The following CCNH variants were observed in gnomAD, a reference collection of about 807,000 sequenced individuals.
The protein encoded by CCNH is cyclin-H.
A neutral mutation model predicts 41.9 loss-of-function variants in CCNH; 31 were observed. The ratio of observed to expected loss-of-function variants is 0.74; its 90% confidence interval spans 0.56 to 1.00. CCNH has a LOEUF of 1.00. Ranked by LOEUF, CCNH falls within the 50% of genes least tolerant of loss-of-function variation. CCNH has a pLI of 0.00. For missense variants in CCNH, 362 were observed against 388.4 expected (o/e 0.93, Z 0.57); for synonymous variants, 138 against 136.1 (o/e 1.01, Z -0.10).
chr5:87,342,921 C>T (rs898887371), intron 9 of CCNH, among the ~76,000 whole-genome samples: 1 of 152,078 alleles, frequency 6.6e-6, no homozygotes, highest in Non-Finnish European at 1.5e-5. Flanking sequence ...CATCAGTTTT[C>T]TCATAGTATA....
downstream of CCNH, among the ~76,000 whole-genome samples, chr5:87,389,044 T>C (rs574276670): frequency 6.6e-6 from 1 of 152,318 alleles, no homozygotes; most frequent in African/African-American, 2.4e-5. Flanking sequence ...TTACCATCAT[T>C]AATACTGAAT....
At chr5:87,387,408 T>A (rs1762137240), downstream of CCNH, among the ~76,000 whole-genome samples, 1 of 151,188 alleles carries the variant, frequency 6.6e-6, no homozygotes, top group Non-Finnish European at 1.5e-5. Flanking sequence ...TAAAATAAAT[T>A]GTGATTACAA....
chr5:87,394,172 G>T, downstream of CCNH: 1 of 866,408 alleles, frequency 1.2e-6, no homozygotes. Flanking sequence ...GCATAGGTTT[G>T]CCTATCATAT....
chr5:87,344,125 T>C (rs997072555), intron 9 of CCNH, among the ~76,000 whole-genome samples: 24 of 152,200 alleles, frequency 1.6e-4, no homozygotes, highest in African/African-American at 5.8e-4. Context: ...AAAATACATC[T>C]AGATAGAATG....
At chr5:87,338,536 A>ATATATATTTTTTTTTTTTT in intron 9 of CCNH, among the ~76,000 whole-genome samples, 1 of 85,216 alleles carries the variant, frequency 1.2e-5, no homozygotes, top group African/African-American at 4.4e-5. Context: ...TATATATAAA[A>ATATATATTTTTTTTTTTTT]TTTTTTTTTT....
chr5:87,411,318 T>C lies in CCNH; in HGVS notation c.146A>G (p.Glu49Gly), dbSNP rs922162838. The C allele has an allele frequency of 1.8e-5, 29 of 1,612,150 alleles. No individual in the cohort carries two copies. In the African/African-American group the frequency reaches 3.7e-4, roughly 21 times the overall value. ...KVLPNDPVFL[E>G]PHEEMTLCKY... ...GCAGAGTGTCATTTCTTCATGAGGC[T>C]CAAGAAAGACTGGATCATTCGGAAG... The change falls in exon 2 of 9, where the codon GAG becomes GGG. Residue 49 changes from glutamate to glycine, a missense_variant. Coordinates refer to ENST00000256897, the MANE Select transcript of CCNH (RefSeq NM_001239.4).
chr5:87,379,079 A>G (rs771706352), upstream of CCNH, among the ~76,000 whole-genome samples: 214 of 152,320 alleles, frequency 1.4e-3, no homozygotes, highest in Non-Finnish European at 2.1e-3. Context: ...CAAAGAAATA[A>G]TATATATTAG....
intron 9 of CCNH, among the ~76,000 whole-genome samples, chr5:87,323,557 ATAAG>A (rs1465674541): frequency 1.3e-5 from 2 of 152,222 alleles, no homozygotes; most frequent in Non-Finnish European, 1.5e-5. Flanking sequence ...AAGAAATTCC[ATAAG>A]TAAGGTAGTA....
downstream of CCNH, chr5:87,374,986 A>C: frequency 6.5e-7 from 1 of 1,531,674 alleles, no homozygotes; most frequent in Non-Finnish European, 8.7e-7. Context: ...TCACAATGAA[A>C]GTCTTAAAAT....
At chr5:87,359,294 C>G (rs1012329118) in intron 9 of CCNH, among the ~76,000 whole-genome samples, 1 of 152,120 alleles carries the variant, frequency 6.6e-6, no homozygotes, top group Non-Finnish European at 1.5e-5. Flanking sequence ...TCTAACCAAT[C>G]AGATTACTGA....
At chr5:87,396,082 A>T (rs927223029) in intron 7 of CCNH, among the ~76,000 whole-genome samples, 2 of 150,508 alleles carry the variant, frequency 1.3e-5, no homozygotes, top group African/African-American at 4.9e-5. Flanking sequence ...CATGTACAGA[A>T]TTTTTTCTTA....
intron 7 of CCNH, among the ~76,000 whole-genome samples, chr5:87,396,414 GCTTGAGACCATC>G (rs1200166912): frequency 2.6e-5 from 4 of 152,118 alleles, no homozygotes; most frequent in Non-Finnish European, 5.9e-5. Context: ...GACGTCAGGA[GCTTGAGACCATC>G]CTTGGCTAAC....
intron 9 of CCNH, among the ~76,000 whole-genome samples, chr5:87,358,002 G>T (rs1260086307): frequency 1.3e-5 from 2 of 152,128 alleles, no homozygotes; most frequent in African/African-American, 2.4e-5. Flanking sequence ...GTAGAAGTTT[G>T]GGGAATAATA....
At chr5:87,331,241 A>G (rs960182891) in intron 9 of CCNH, 2 of 1,185,658 alleles carry the variant, frequency 1.7e-6, no homozygotes, top group African/African-American at 3.0e-5. Flanking sequence ...GTAAATGTTT[A>G]AGTTACATGT....
chr5:87,377,272 A>G (rs1761391429), upstream of CCNH: 7 of 541,858 alleles, frequency 1.3e-5, no homozygotes, highest in Non-Finnish European at 2.0e-5. Context: ...AGAAGCCACA[A>G]GAAGGTGGTA....
At chr5:87,380,638 T>C, upstream of CCNH, 1 of 1,480,486 alleles carries the variant, frequency 6.8e-7, no homozygotes, top group Non-Finnish European at 9.4e-7. Context: ...TACTAATAGG[T>C]GGATAATTGT....
chr5:87,378,680 T>A, upstream of CCNH: 2 of 883,618 alleles, frequency 2.3e-6, no homozygotes, highest in South Asian at 1.7e-5. Context: ...CTGTAATACA[T>A]TTATAAAAAT....
Position 87,329,978 on chromosome 5 carries a change from A to G in CCNH, c.*91-11081T>C, listed in dbSNP as rs1293422982. Among the ~76,000 whole-genome samples, 13 of 152,266 alleles carry G rather than the reference A, an allele frequency of 8.5e-5. No individual in the cohort carries two copies. In the East Asian group the frequency reaches 2.3e-3, roughly 27 times the overall value. ...GTTAAATTTACTTGTCATTTGTCTC[A>G]AAGATAATGGCTGAACTAAGATTAG... On this transcript the variant is annotated intron_variant and NMD_transcript_variant, in intron 9 of 9. Transcript: ENST00000645953.
At chr5:87,356,435 G>T (rs1759656754) in intron 9 of CCNH, among the ~76,000 whole-genome samples, 1 of 151,662 alleles carries the variant, frequency 6.6e-6, no homozygotes, top group African/African-American at 2.4e-5. Flanking sequence ...TGTGGCTGAG[G>T]CTGGAGTACA....
Sources: gnomAD v4.1 joint callset for allele counts (sites outside exome capture counted in the v4.1 genomes callset) on GRCh38, gnomAD v4.1.1 for gene constraint, MANE v1.5 for transcripts, NCBI Gene and HGNC (gene_info 2026-07-23, HGNC 2026-07-21) for gene names.